Variants in COA1 observed in about 807,000 individuals in gnomAD.
COA1 encodes the protein cytochrome c oxidase assembly factor 1 homolog.
A neutral mutation model predicts 16.0 loss-of-function variants in COA1; 13 were observed. The ratio of observed to expected loss-of-function variants is 0.81; its 90% CI spans 0.53 to 1.29. The LOEUF (loss-of-function observed/expected upper bound fraction) is 1.29, where lower values mean the gene tolerates loss of function less well. Among genes scored for constraint, COA1 ranks in the 50% most tolerant of loss-of-function variants. COA1 has a pLI of 0.00. For missense variants in COA1, 179 were observed against 177.0 expected (o/e 1.01, Z -0.06); for synonymous variants, 65 against 65.7 (o/e 0.99, Z 0.05).
intron 1 of COA1, among the ~76,000 whole-genome samples, chr7:43,699,612 T>C (rs778249983): frequency 6.6e-6 from 1 of 152,158 alleles, no homozygotes. Context: ...ACAATTGTGA[T>C]AGAGAATGTT....
chr7:43,674,560 T>C (rs1228649065), intron 1 of COA1, among the ~76,000 whole-genome samples: 1 of 152,202 alleles, frequency 6.6e-6, no homozygotes, highest in Non-Finnish European at 1.5e-5. Flanking sequence ...TGCAATGATA[T>C]TACTGTGGGC....
chr7:43,642,827 ATTACT>A lies in COA1; in HGVS notation c.265-2183_265-2179del, dbSNP rs945025506. 5.3e-4 allele frequency among the ~76,000 whole-genome samples: 80 copies of A among 152,346 alleles called. 1 individual carries two copies. The highest frequency in any genetic ancestry group is 2.3e-3 in the South Asian group (11 of 4,832). On this transcript the variant is annotated intron_variant, in intron 4 of 5. Transcript: ENST00000223336. ...TGGGAAAAAATCCCAATGTATGACAATTACTTCATGAACAACTGAAACATCTCACC... is the reference window on the plus strand; with the variant it reads ...TGGGAAAAAATCCCAATGTATGACAATCATGAACAACTGAAACATCTCACC...
At position 43,608,579 on chromosome 7, in the gene COA1, A is replaced by G. The variant is rs1054099859; in HGVS notation, c.*1050T>C. 5 of 591,694 alleles carry G rather than the reference A, an allele frequency of 8.5e-6. No individual in the cohort carries two copies. The Admixed American group carries it at 1.4e-4, about 17-fold the overall frequency. 36.7% of individuals were successfully genotyped at this position (591,694 alleles called of 1,614,324 possible). On this transcript the variant is annotated 3_prime_UTR_variant and NMD_transcript_variant, in exon 7 of 7. Transcript: ENST00000415076. ...TAGTTTTATCAGGGAGATAATGCACACATGTGTACATGGAAAGATACAAAA... is the reference window on the plus strand; with the variant it reads ...TAGTTTTATCAGGGAGATAATGCACGCATGTGTACATGGAAAGATACAAAA...
downstream of COA1, among the ~76,000 whole-genome samples, chr7:43,634,492 C>T (rs917037164): frequency 3.0e-4 from 46 of 152,268 alleles, no homozygotes; most frequent in East Asian, 1.9e-4. Context: ...AGTTGTTCCT[C>T]CTGGGTCAGG....
At chr7:43,704,427 TC>T (rs2094889094) in intron 1 of COA1, among the ~76,000 whole-genome samples, 1 of 152,190 alleles carries the variant, frequency 6.6e-6, no homozygotes, top group Non-Finnish European at 1.5e-5. Flanking sequence ...GTCACTGCTC[TC>T]CCCCCATCTC....
chr7:43,613,992 A>C (rs1285314810), intron 6 of COA1, among the ~76,000 whole-genome samples: 1 of 152,174 alleles, frequency 6.6e-6, no homozygotes, highest in Non-Finnish European at 1.5e-5. Context: ...CAGTCCCCCA[A>C]ATTAATTTAG....
chr7:43,646,859 G>A (rs902997441), intron 3 of COA1: 5 of 259,202 alleles, frequency 1.9e-5, no homozygotes, highest in African/African-American at 1.1e-4. Context: ...ATGTTGCAGA[G>A]TGGATGACGA....
At chr7:43,724,628 T>C (rs1016905020) in intron 1 of COA1, among the ~76,000 whole-genome samples, 1 of 151,742 alleles carries the variant, frequency 6.6e-6, no homozygotes, top group African/African-American at 2.4e-5. Context: ...CTATTCACAA[T>C]AGCCAAAAGG....
chr7:43,680,741 G>C (rs2093730519), intron 1 of COA1, among the ~76,000 whole-genome samples: 1 of 152,208 alleles, frequency 6.6e-6, no homozygotes, highest in African/African-American at 2.4e-5. Context: ...GGCAGAGGCA[G>C]GAGAATCACT....
intron 1 of COA1, among the ~76,000 whole-genome samples, chr7:43,690,910 C>A (rs940998302): frequency 6.6e-6 from 1 of 151,602 alleles, no homozygotes; most frequent in Non-Finnish European, 1.5e-5. Context: ...GAGGGCCCTA[C>A]AAGAGAATCA....
intron 1 of COA1, among the ~76,000 whole-genome samples, chr7:43,672,062 T>C (rs1030803680): frequency 2.0e-5 from 3 of 152,048 alleles, no homozygotes; most frequent in East Asian, 1.9e-4. Context: ...CTGTAAGAAA[T>C]TGAAACAATT....
intron 1 of COA1, among the ~76,000 whole-genome samples, chr7:43,651,258 G>A (rs1221613857): frequency 1.3e-5 from 2 of 152,170 alleles, no homozygotes; most frequent in Non-Finnish European, 2.9e-5. Context: ...AGATTTACTT[G>A]CTTAACTGTT....
At chr7:43,711,666 A>T (rs1196343957) in intron 1 of COA1, among the ~76,000 whole-genome samples, 1 of 152,250 alleles carries the variant, frequency 6.6e-6, no homozygotes, top group Non-Finnish European at 1.5e-5. Context: ...TAGATGGTAC[A>T]GCCTACAACA....
At chr7:43,708,120 C>T (rs2095068748) in intron 1 of COA1, among the ~76,000 whole-genome samples, 1 of 152,200 alleles carries the variant, frequency 6.6e-6, no homozygotes. Context: ...AGGAGAATTG[C>T]TTGAACCCCG....
intron 1 of COA1, among the ~76,000 whole-genome samples, chr7:43,696,620 G>T (rs553301168): frequency 3.3e-5 from 5 of 152,052 alleles, no homozygotes; most frequent in Non-Finnish European, 7.4e-5. Context: ...ACTGCAGAAT[G>T]ATATGTAAGG....
intron 1 of COA1, among the ~76,000 whole-genome samples, chr7:43,651,244 G>A (rs1230243779): frequency 6.6e-6 from 1 of 152,156 alleles, no homozygotes; most frequent in East Asian, 1.9e-4. Flanking sequence ...TGCCAAATAA[G>A]GGCAGATTTA....
intron 1 of COA1, among the ~76,000 whole-genome samples, chr7:43,673,792 ACCATGGAATAATATGTAG>A (rs1214143752): frequency 6.6e-6 from 1 of 152,248 alleles, no homozygotes; most frequent in Non-Finnish European, 1.5e-5. Context: ...GTATATATAC[ACCATGGAATAATATGTAG>A]CCATAAAAAA....
intron 6 of COA1, among the ~76,000 whole-genome samples, chr7:43,612,459 G>A (rs568127586): frequency 7.2e-5 from 11 of 152,320 alleles, no homozygotes; most frequent in Admixed American, 3.9e-4. Context: ...CTCTAGAAGC[G>A]TTTGAAAGAC....
intron 1 of COA1, among the ~76,000 whole-genome samples, chr7:43,710,365 A>ATAT (rs1337224771): frequency 1.5e-4 from 16 of 108,036 alleles, no homozygotes; most frequent in African/African-American, 4.5e-4. Context: ...AAAAAAAAAA[A>ATAT]AAAAAAAAAA....
Sources: allele counts gnomAD v4.1 joint callset (sites outside exome capture counted in the v4.1 genomes callset), GRCh38; gene constraint gnomAD v4.1.1; transcripts MANE v1.5; gene names NCBI Gene and HGNC (gene_info 2026-07-23, HGNC 2026-07-21).